Variants in FKBP3 observed in about 807,000 individuals in gnomAD.
FKBP3 encodes FKBP prolyl isomerase 3.
A neutral mutation model predicts 30.6 loss-of-function variants in FKBP3; 21 were observed. The ratio of observed to expected loss-of-function variants is 0.69; its 90% confidence interval spans 0.49 to 0.99. The LOEUF (loss-of-function observed/expected upper bound fraction) is 0.99. Ranked by LOEUF, FKBP3 falls within the 50% of genes least tolerant of loss-of-function variation. The pLI, the probability that FKBP3 is intolerant of heterozygous loss-of-function variation, is 0.00. For synonymous variants in FKBP3, 82 were observed against 91.3 expected (o/e 0.90, Z 0.58); for missense variants, 283 against 261.6 (o/e 1.08, Z -0.56).
At chr14:45,122,444 A>G (rs957846154) in intron 3 of FKBP3, among the ~76,000 whole-genome samples, 4 of 152,210 alleles carry the variant, frequency 2.6e-5, no homozygotes, top group East Asian at 3.8e-4. Context: ...CCAATAATTC[A>G]TATCTATTAG....
At chr14:45,117,481 ATTTT>A (rs146055248) in intron 6 of FKBP3, among the ~76,000 whole-genome samples, 1 of 149,756 alleles carries the variant, frequency 6.7e-6, no homozygotes, top group Non-Finnish European at 1.5e-5. Flanking sequence ...GTCATTCCTT[ATTTT>A]TTTTTTAAAT....
intron 3 of FKBP3, among the ~76,000 whole-genome samples, chr14:45,124,391 G>A (rs1053202996): frequency 7.9e-5 from 12 of 152,074 alleles, no homozygotes; most frequent in African/African-American, 2.4e-4. Flanking sequence ...AATTAGCTGG[G>A]CATGGTGGCA....
chr14:45,124,833 G>A (rs1004694787), intron 3 of FKBP3, among the ~76,000 whole-genome samples: 2 of 152,202 alleles, frequency 1.3e-5, no homozygotes, highest in African/African-American at 4.8e-5. Context: ...CGTAGGACAT[G>A]TTAGAATCTG....
chr14:45,131,507 C>G (rs1164465278), intron 1 of FKBP3, among the ~76,000 whole-genome samples: 3 of 151,678 alleles, frequency 2.0e-5, no homozygotes, highest in African/African-American at 7.3e-5. Flanking sequence ...TGGCGCATGC[C>G]TGTAGTCCCA....
Position 45,134,412 on chromosome 14 carries a change from C to A in FKBP3, c.45G>T (p.Leu15=). The A allele has an allele frequency of 6.2e-7, 1 of 1,613,760 alleles. No homozygotes were observed. Among genetic ancestry groups the A allele is most frequent in the Non-Finnish European group, 8.5e-7 (1 of 1,179,924 alleles). ...CCTTCTTGGGCAGCTGCTCACTGCG[C>A]AGCTGCTCCACGGTCCACGCCCGCT... is the stretch of plus-strand genomic sequence containing the variant. ...VPQRAWTVEQ[L]RSEQLPKKDI... The change falls in exon 1 of 7, where the codon CTG becomes CTT. Residue 15 remains leucine (L), a synonymous_variant. Transcript: ENST00000396062.
chr14:45,132,093 T>C (rs527535609), intron 1 of FKBP3, among the ~76,000 whole-genome samples: 1 of 152,388 alleles, frequency 6.6e-6, no homozygotes, highest in African/African-American at 2.4e-5. Context: ...AGTTGTCCTT[T>C]GGCATCTTCT....
intron 1 of FKBP3, among the ~76,000 whole-genome samples, chr14:45,132,786 GTCTGTTGAAAT>G (rs1885248903): frequency 6.6e-6 from 1 of 152,064 alleles, no homozygotes; most frequent in Non-Finnish European, 1.5e-5. Flanking sequence ...GATAATCCAA[GTCTGTTGAAAT>G]TCTTCCACGT....
At chr14:45,129,929 C>T in intron 2 of FKBP3, 28 bp from the exon 3 acceptor site, 1 of 1,472,532 alleles carries the variant, frequency 6.8e-7, no homozygotes, top group African/African-American at 1.4e-5. Context: ...TAACATCATA[C>T]CCAGGACAGG....
In FKBP3 at chr14:45,121,517, T is replaced by TCAA. The variant is rs1884984265; in HGVS notation, c.421_422insTTG (p.Gln140_Asp141insVal). ...AATATTAGTATCAAAAACAGTCCCA[T>TCAA]CTTGTAGTGTTCCTGTATACCAGCA... On this transcript the variant is annotated inframe_insertion, in exon 4 of 7. Transcript: ENST00000396062. 2 of 1,613,462 alleles carry TCAA rather than the reference T, an allele frequency of 1.2e-6. No individual in the cohort carries two copies. The highest frequency in any genetic ancestry group is 3.3e-5 in the Admixed American group (2 of 59,994).
intron 3 of FKBP3, among the ~76,000 whole-genome samples, chr14:45,126,087 C>T (rs1419517385): frequency 1.3e-5 from 2 of 151,776 alleles, no homozygotes; most frequent in Non-Finnish European, 2.9e-5. Context: ...AGACAGGTTT[C>T]GCCATGTTGC....
At chr14:45,129,208 G>C (rs1274121556) in intron 3 of FKBP3, among the ~76,000 whole-genome samples, 1 of 152,136 alleles carries the variant, frequency 6.6e-6, no homozygotes, top group Non-Finnish European at 1.5e-5. Flanking sequence ...TAGATAGTAA[G>C]GTATTATCAG....
At chr14:45,122,780 A>G (rs866605198) in intron 3 of FKBP3, among the ~76,000 whole-genome samples, 66 of 152,026 alleles carry the variant, frequency 4.3e-4, no homozygotes, top group Middle Eastern at 3.4e-3. Flanking sequence ...TGGGATTACA[A>G]GTGTGAGCCA....
At chr14:45,130,578 T>G in intron 2 of FKBP3, 121 bp downstream of exon 2, 1 of 559,534 alleles carries the variant, frequency 1.8e-6, no homozygotes, top group Non-Finnish European at 3.1e-6. Context: ...TGATAACAGT[T>G]CAGAAAAATT....
chr14:45,116,301 C>A, intron 6 of FKBP3, 49 bp from the exon 7 acceptor site: 2 of 1,370,144 alleles, frequency 1.5e-6, no homozygotes, highest in Non-Finnish European at 2.1e-6. Flanking sequence ...TCTCCCCTAC[C>A]CCCATAACCT....
rs369417146 is a variant in FKBP3 at position 45,129,689 on chromosome 14, C to T, written c.318+105G>A. On this transcript the variant is annotated intron_variant, in intron 3 of 6. Coordinates refer to ENST00000396062, the MANE Select transcript of FKBP3 (RefSeq NM_002013.4). Reference sequence around the variant, plus strand: ...AAGTGTTTGGCTCATTGAAAGTGGTCGTATTCAACCACCCTTCACTATGAG... The same window carrying T: ...AAGTGTTTGGCTCATTGAAAGTGGTTGTATTCAACCACCCTTCACTATGAG... 481 of 629,054 alleles carry T rather than the reference C, an allele frequency of 7.6e-4. 6 individuals are homozygous for T. The South Asian group carries it at 0.011, about 14-fold the overall frequency. 39.0% of individuals were successfully genotyped at this position (629,054 alleles called of 1,614,324 possible). A position where few individuals can be genotyped will look rare whatever the true frequency, so the allele number is the denominator to read the frequency against.
chr14:45,118,776 A>G (rs981556477), intron 5 of FKBP3, among the ~76,000 whole-genome samples: 6 of 152,240 alleles, frequency 3.9e-5, no homozygotes, highest in Admixed American at 3.3e-4. Flanking sequence ...ATTGGAATAC[A>G]CTGGCAAGTA....
At chr14:45,120,485 A>T (rs1884960885) in intron 5 of FKBP3, among the ~76,000 whole-genome samples, 1 of 152,190 alleles carries the variant, frequency 6.6e-6, no homozygotes, top group African/African-American at 2.4e-5. Context: ...TACCTTTGCA[A>T]ATTATATGTA....
chr14:45,120,602 T>C (rs1351534968), intron 5 of FKBP3, among the ~76,000 whole-genome samples: 1 of 152,190 alleles, frequency 6.6e-6, no homozygotes, highest in East Asian at 1.9e-4. Context: ...TGGGTACACA[T>C]GGAAGGGACT....
At chr14:45,120,834 C>T (rs965294046) in intron 5 of FKBP3, 53 bp downstream of exon 5, 41 of 1,404,532 alleles carry the variant, frequency 2.9e-5, no homozygotes, top group Non-Finnish European at 4.0e-5. Context: ...AGCACCATAC[C>T]AGAAGCAGCA....
Sources: gnomAD v4.1 joint callset for allele counts (sites outside exome capture counted in the v4.1 genomes callset) on GRCh38, gnomAD v4.1.1 for gene constraint, MANE v1.5 for transcripts, NCBI Gene and HGNC (gene_info 2026-07-23, HGNC 2026-07-21) for gene names.